The following CEP192 variants were observed in gnomAD, a reference collection of about 807,000 sequenced individuals.
The protein encoded by CEP192 is centrosomal protein of 192 kDa.
Under a neutral mutation model 271.8 loss-of-function variants are expected in CEP192, and 151 were observed. The ratio of observed to expected loss-of-function variants is 0.56; its 90% CI spans 0.49 to 0.64. The LOEUF is 0.64. Ranked by LOEUF, CEP192 falls within the 30% of genes least tolerant of loss-of-function variation. The probability of loss-of-function intolerance (pLI) is 0.00; values close to 1 mark genes in which losing one functional copy is unlikely to be tolerated. For synonymous variants in CEP192, 995 were observed against 1,076.5 expected (o/e 0.92, Z 1.48); for missense variants, 2,910 against 3,020.5 (o/e 0.96, Z 0.86).
chr18:13,003,451 G>GAAAAAAAAAA (rs545191456), intron 3 of CEP192, among the ~76,000 whole-genome samples: 1 of 101,518 alleles, frequency 9.9e-6, no homozygotes, highest in African/African-American at 3.5e-5. Flanking sequence ...TCTGTCTCAA[G>GAAAAAAAAAA]AAAAAAAAAA....
At chr18:13,117,780 T>C (rs2040499981) in intron 44 of CEP192, 137 bp downstream of exon 44, 3 of 608,622 alleles carry the variant, frequency 4.9e-6, no homozygotes, top group Non-Finnish European at 8.7e-6. Flanking sequence ...AGGCAGAGTC[T>C]CCGCAAGTAG....
intron 40 of CEP192, among the ~76,000 whole-genome samples, chr18:13,113,160 G>T (rs1448883778): frequency 6.6e-6 from 1 of 152,166 alleles, no homozygotes; most frequent in Non-Finnish European, 1.5e-5. Flanking sequence ...CCCCCTCACT[G>T]TTGTCAGTCC....
At chr18:13,063,342 G>A (rs1474754896) in intron 21 of CEP192, among the ~76,000 whole-genome samples, 3 of 152,156 alleles carry the variant, frequency 2.0e-5, no homozygotes, top group Non-Finnish European at 4.4e-5. Context: ...AACAGTGTAC[G>A]AGGGTTCCCT....
Position 13,049,036 on chromosome 18 carries a change from A to G in CEP192, c.2245A>G (p.Thr749Ala), listed in dbSNP as rs772813762. Residue 749 changes from threonine to alanine, a missense_variant, in exon 16 of 45, where the codon ACT becomes GCT. Thr to Ala is a moderately conservative substitution (Grantham distance 58). Transcript: ENST00000506447. ...KALSNKTRDKTFQEDEKQKDY... is the reference protein window; with the variant it reads ...KALSNKTRDKAFQEDEKQKDY... ...ACTTTCAAATAAAACCAGAGACAAG[A>G]CTTTTCAGGAAGATGAGAAACAAAA... 1 of 1,614,016 alleles carries G rather than the reference A, an allele frequency of 6.2e-7. No homozygotes were observed. The highest frequency in any genetic ancestry group is 8.5e-7 in the Non-Finnish European group (1 of 1,180,022).
At chr18:13,006,727 G>T (rs2145851649) in intron 3 of CEP192, among the ~76,000 whole-genome samples, 1 of 152,056 alleles carries the variant, frequency 6.6e-6, no homozygotes, top group African/African-American at 2.4e-5. Flanking sequence ...TTTCTCATTG[G>T]CTTCCACACA....
intron 9 of CEP192, among the ~76,000 whole-genome samples, chr18:13,019,542 T>C (rs2143193730): frequency 6.6e-6 from 1 of 152,296 alleles, no homozygotes; most frequent in East Asian, 1.9e-4. Context: ...TGTTTGTTAA[T>C]AGTACCCCGT....
At position 13,072,821 on chromosome 18, in the gene CEP192, A is replaced by C. The variant is rs2038080538; in HGVS notation, c.5415A>C (p.Arg1805Ser). ...CTCAACATTTACGACTGCTTATTAG[A>C]GGACAAGATCAGGACTGCTTTCAGG... ...STTQHLRLLI[R>S]GQDQDCFQLQ... The change falls in exon 29 of 45, where the codon AGA becomes AGC. Residue 1805 changes from arginine to serine, a missense_variant. By Grantham distance (110) the Arg-to-Ser change is moderately radical (BLOSUM62 -1). Coordinates refer to ENST00000506447, the MANE Select transcript of CEP192 (RefSeq NM_032142.4). 1 of 1,612,530 alleles carries C rather than the reference A, an allele frequency of 6.2e-7. No individual in the cohort carries two copies. Among genetic ancestry groups the C allele is most frequent in the African/African-American group, 1.3e-5 (1 of 74,926 alleles).
chr18:13,122,612 A>C (rs891410226), intron 44 of CEP192, among the ~76,000 whole-genome samples: 1 of 152,090 alleles, frequency 6.6e-6, no homozygotes, highest in Non-Finnish European at 1.5e-5. Context: ...GGAAGGAAGG[A>C]AGTGTGGTTG....
At chr18:13,008,404 T>C in intron 3 of CEP192, 52 bp from the exon 4 acceptor site, 1 of 1,235,340 alleles carries the variant, frequency 8.1e-7, no homozygotes, top group Non-Finnish European at 1.1e-6. Context: ...ATTTTGTAGA[T>C]TTACCCAAGG....
intron 32 of CEP192, among the ~76,000 whole-genome samples, chr18:13,088,080 C>G (rs1409775243): frequency 6.6e-6 from 1 of 152,130 alleles, no homozygotes; most frequent in Non-Finnish European, 1.5e-5. Flanking sequence ...TTGAAAGGAT[C>G]AAGTTGAATT....
rs1044154688 is a variant in CEP192, at chr18:13,038,468, A to C, written c.1698A>C (p.Thr566=). 1.3e-6 allele frequency: 2 copies of C among 1,551,664 alleles called. No individual in the cohort carries two copies. The highest frequency in any genetic ancestry group is 4.9e-5 in the East Asian group (2 of 40,922). ...GTCTGTTGAGGAAATCACGTAGCACATCAGATTTGGATAAAGATGATGCCA... is the reference window on the plus strand; with the variant it reads ...GTCTGTTGAGGAAATCACGTAGCACCTCAGATTTGGATAAAGATGATGCCA... ...NYSLLRKSRS[T]SDLDKDDASY... The change falls in exon 13 of 45, where the codon ACA becomes ACC. Residue 566 remains threonine (T), a synonymous_variant. Coordinates refer to ENST00000506447, the MANE Select transcript of CEP192 (RefSeq NM_032142.4).
intron 9 of CEP192, among the ~76,000 whole-genome samples, chr18:13,028,624 A>G (rs2143495873): frequency 6.6e-6 from 1 of 151,884 alleles, no homozygotes; most frequent in Non-Finnish European, 1.5e-5. Context: ...GGTTCAAGTG[A>G]TTCTCTTGCC....
At chr18:13,001,719 A>G (rs2033656212) in intron 3 of CEP192, 137 bp downstream of exon 3, 7 of 974,598 alleles carry the variant, frequency 7.2e-6, no homozygotes, top group Middle Eastern at 3.2e-4. Context: ...TTTTATTTTG[A>G]GGCGGAGTTT....
At chr18:13,066,110 C>G (rs114253879) in intron 21 of CEP192, among the ~76,000 whole-genome samples, 2,057 of 152,280 alleles carry the variant, frequency 0.014, 51 homozygotes, top group African/African-American at 0.044. Flanking sequence ...CTAAAGCAAA[C>G]TCCTTCAACT....
chr18:13,065,980 G>A (rs1704171982), intron 21 of CEP192, among the ~76,000 whole-genome samples: 2 of 152,106 alleles, frequency 1.3e-5, no homozygotes, highest in African/African-American at 4.8e-5. Context: ...TAGTAATTCG[G>A]TCACCAGGCA....
chr18:13,068,872 G>A lies in CEP192; in HGVS notation c.4843G>A (p.Glu1615Lys). 6.2e-7 allele frequency: 1 copy of A among 1,614,172 alleles called. No homozygotes were observed. Among genetic ancestry groups the A allele is most frequent in the South Asian group, 1.1e-5 (1 of 91,078 alleles). Residue 1615 changes from glutamate to lysine, a missense_variant, in exon 25 of 45, where the codon GAA becomes AAA. Coordinates refer to ENST00000506447, the MANE Select transcript of CEP192 (RefSeq NM_032142.4). ...TTTAGATATTCTGGACTCAGCAGAAGAATTCTCGGCAAAAGTTGATATCGA... is the reference window on the plus strand; with the variant it reads ...TTTAGATATTCTGGACTCAGCAGAAAAATTCTCGGCAAAAGTTGATATCGA... The part of the protein sequence containing the change: ...SSSDILDSAE[E>K]FSAKVDIEVD...
intron 11 of CEP192, among the ~76,000 whole-genome samples, chr18:13,031,494 G>A (rs1014025417): frequency 6.6e-6 from 1 of 151,978 alleles, no homozygotes; most frequent in African/African-American, 2.4e-5. Flanking sequence ...TGATCTGCCC[G>A]CCTCGGCCTC....
chr18:13,045,708 C>T (rs1472535553), intron 15 of CEP192, among the ~76,000 whole-genome samples: 1 of 152,192 alleles, frequency 6.6e-6, no homozygotes, highest in Non-Finnish European at 1.5e-5. Flanking sequence ...ACAAATTGTG[C>T]ATAAAATTTG....
intron 15 of CEP192, among the ~76,000 whole-genome samples, chr18:13,044,598 AT>A (rs2036380389): frequency 6.6e-6 from 1 of 152,170 alleles, no homozygotes; most frequent in Non-Finnish European, 1.5e-5. Flanking sequence ...GATGTGATGA[AT>A]TTTGTCAAAT....
Sources: gnomAD v4.1 joint callset for allele counts (sites outside exome capture counted in the v4.1 genomes callset) on GRCh38, gnomAD v4.1.1 for gene constraint, MANE v1.5 for transcripts, NCBI Gene and HGNC (gene_info 2026-07-23, HGNC 2026-07-21) for gene names.